NALF1: variants seen among roughly 807,000 people sequenced by gnomAD.
NALF1 encodes family with sequence similarity 155 member A.
In NALF1, 3 loss-of-function variants were observed where a neutral mutation model predicts 48.4. The ratio of observed to expected loss-of-function variants is 0.06; its 90% CI spans 0.03 to 0.16. NALF1 has a LOEUF of 0.16. Among genes scored for constraint, NALF1 ranks in the 10% least tolerant of loss-of-function variants. The pLI is 1.00. For missense variants in NALF1, 526 were observed against 571.5 expected (o/e 0.92, Z 0.81); for synonymous variants, 262 against 245.7 (o/e 1.07, Z -0.62).
intron 1 of NALF1, among the ~76,000 whole-genome samples, chr13:107,693,303 C>T (rs541073224): frequency 2.8e-4 from 36 of 130,010 alleles, no homozygotes; most frequent in Middle Eastern, 3.8e-3. Context: ...GCGGGGAACA[C>T]CACACATCAG....
intron 1 of NALF1, among the ~76,000 whole-genome samples, chr13:107,364,084 G>A (rs1883110781): frequency 1.3e-5 from 2 of 152,090 alleles, no homozygotes; most frequent in Non-Finnish European, 2.9e-5. Flanking sequence ...GATCATATTT[G>A]GAATGTTTTT....
In NALF1 at chr13:107,361,987, C is replaced by T. The variant is rs546638510; in HGVS notation, c.916-151232G>A. On this transcript the variant is annotated intron_variant, in intron 1 of 2. Coordinates refer to ENST00000375915, the MANE Select transcript of NALF1 (RefSeq NM_001080396.3). ...TCTCCTGTCTAGGAAAAGATGAATC[C>T]TTGTTCTGAGATGTTCTGGGATGGC... Among the ~76,000 whole-genome samples the T allele has an allele frequency of 4.6e-4, 70 of 152,172 alleles. 1 individual carries two copies. The highest frequency in any genetic ancestry group is 6.8e-3 in the Middle Eastern group (2 of 294).
At chr13:107,269,368 T>C (rs1361304365) in intron 1 of NALF1, among the ~76,000 whole-genome samples, 2 of 152,088 alleles carry the variant, frequency 1.3e-5, no homozygotes, top group African/African-American at 4.8e-5. Flanking sequence ...GATAAATTTA[T>C]ATCTTGCAGA....
chr13:107,172,221 T>C (rs1878821577), intron 2 of NALF1, among the ~76,000 whole-genome samples: 1 of 152,262 alleles, frequency 6.6e-6, no homozygotes, highest in Non-Finnish European at 1.5e-5. Context: ...CTCATACCCC[T>C]GGGCTATTAG....
intron 1 of NALF1, among the ~76,000 whole-genome samples, chr13:107,511,758 T>C (rs1875898138): frequency 6.6e-6 from 1 of 152,186 alleles, no homozygotes; most frequent in Non-Finnish European, 1.5e-5. Context: ...ACTCAGAATA[T>C]TGATGTTTCA....
chr13:107,727,375 G>A (rs1876188394), intron 1 of NALF1, among the ~76,000 whole-genome samples: 1 of 152,090 alleles, frequency 6.6e-6, no homozygotes, highest in Non-Finnish European at 1.5e-5. Flanking sequence ...GAGTGTGGTG[G>A]CACTTCTCAT....
intron 1 of NALF1, among the ~76,000 whole-genome samples, chr13:107,784,195 G>A (rs941971342): frequency 1.3e-5 from 2 of 152,204 alleles, no homozygotes; most frequent in Non-Finnish European, 2.9e-5. Context: ...GCAAAGAGTA[G>A]CGAAATAACT....
chr13:107,650,362 G>A (rs1345882663), intron 1 of NALF1, among the ~76,000 whole-genome samples: 2 of 132,658 alleles, frequency 1.5e-5, no homozygotes, highest in Non-Finnish European at 3.1e-5. Context: ...CTTGGCCAAC[G>A]TTGCCATTTG....
chr13:107,671,717 GA>G (rs1880996132), intron 1 of NALF1, among the ~76,000 whole-genome samples: 1 of 151,968 alleles, frequency 6.6e-6, no homozygotes, highest in Non-Finnish European at 1.5e-5. Context: ...TACAAGACCA[GA>G]AAACCCACAA....
intron 1 of NALF1, among the ~76,000 whole-genome samples, chr13:107,769,992 A>C (rs1439062990): frequency 6.6e-6 from 1 of 152,176 alleles, no homozygotes; most frequent in East Asian, 1.9e-4. Context: ...GGCTCACTGC[A>C]AGCTCTGTCC....
Position 107,298,525 on chromosome 13 carries a change from G to A in NALF1, c.916-87770C>T, listed in dbSNP as rs181465184. ...CAGCTCACTATAACCTCCGCCTCCCGGGTTCAAGTGATTCTCTTGTCTCAG... is the reference window on the plus strand; with the variant it reads ...CAGCTCACTATAACCTCCGCCTCCCAGGTTCAAGTGATTCTCTTGTCTCAG... On this transcript the variant is annotated intron_variant, in intron 1 of 2. Coordinates refer to ENST00000375915, the MANE Select transcript of NALF1 (RefSeq NM_001080396.3). 2.6e-5 allele frequency among the ~76,000 whole-genome samples: 4 copies of A among 151,688 alleles called. No homozygotes were observed. The East Asian group carries it at 5.9e-4, about 22-fold the overall frequency.
intron 1 of NALF1, among the ~76,000 whole-genome samples, chr13:107,513,330 A>G (rs546634814): frequency 4.6e-5 from 7 of 152,166 alleles, no homozygotes; most frequent in Non-Finnish European, 1.0e-4. Context: ...CAAAGACTCA[A>G]AACTATAGAA....
intron 1 of NALF1, among the ~76,000 whole-genome samples, chr13:107,293,955 G>T (rs1389914290): frequency 6.6e-6 from 1 of 152,190 alleles, no homozygotes; most frequent in Admixed American, 6.5e-5. Context: ...CACACAATTG[G>T]AAGATAAAAC....
In NALF1 at chr13:107,682,861, T is replaced by C. The variant is rs369665898; in HGVS notation, c.915+182821A>G. 1.5e-4 allele frequency among the ~76,000 whole-genome samples: 23 copies of C among 152,318 alleles called. No individual in the cohort carries two copies. The East Asian group carries it at 3.1e-3, about 20-fold the overall frequency. ...GTCGACTTTCCAATGGCCTCTGCCA[T>C]AGTATGGTCCCAAACTCTTTCAAAA... is the stretch of plus-strand genomic sequence containing the variant. On this transcript the variant is annotated intron_variant, in intron 1 of 2. Transcript: ENST00000375915.
rs1289245885 is a variant in NALF1 at position 107,167,567 on chromosome 13, G to C, written c.*2930C>G. The C allele has an allele frequency of 5.9e-5, 9 of 152,202 alleles. No homozygotes were observed. Among genetic ancestry groups the C allele is most frequent in the Admixed American group, 5.9e-4 (9 of 15,278 alleles). 9.4% of individuals were successfully genotyped at this position (152,202 alleles called of 1,614,324 possible). On this transcript the variant is annotated 3_prime_UTR_variant, in exon 3 of 3. Coordinates refer to ENST00000375915, the MANE Select transcript of NALF1 (RefSeq NM_001080396.3). ...TACTAGGCACTGAAATCATTCTCCT[G>C]TAATAAGAATAGATGAACATGACAA...
intron 1 of NALF1, among the ~76,000 whole-genome samples, chr13:107,619,413 C>G (rs919232058): frequency 2.0e-5 from 3 of 152,230 alleles, no homozygotes; most frequent in Admixed American, 2.0e-4. Context: ...GAGAGAGATC[C>G]CATCATGAAG....
At chr13:107,317,810 T>C (rs1056830059) in intron 1 of NALF1, among the ~76,000 whole-genome samples, 2 of 151,482 alleles carry the variant, frequency 1.3e-5, no homozygotes, top group Non-Finnish European at 2.9e-5. Context: ...GAGATAAAAT[T>C]GAGAGAAAAT....
intron 1 of NALF1, among the ~76,000 whole-genome samples, chr13:107,556,296 TACACAC>T (rs71121533): frequency 2.6e-3 from 257 of 98,546 alleles, no homozygotes; most frequent in African/African-American, 9.4e-3. Flanking sequence ...TATATATATA[TACACAC>T]ACACACACAC....
chr13:107,441,884 T>C (rs547939527), intron 1 of NALF1, among the ~76,000 whole-genome samples: 6 of 152,238 alleles, frequency 3.9e-5, no homozygotes, highest in Non-Finnish European at 8.8e-5. Flanking sequence ...GAATGTGCAA[T>C]AGGAAATATT....
Sources: gnomAD v4.1 joint callset for allele counts (sites outside exome capture counted in the v4.1 genomes callset) on GRCh38, gnomAD v4.1.1 for gene constraint, MANE v1.5 for transcripts, NCBI Gene and HGNC (gene_info 2026-07-23, HGNC 2026-07-21) for gene names.